CTNNA2: variants seen among roughly 807,000 people sequenced by gnomAD.
The protein encoded by CTNNA2 is catenin alpha-2.
Under a neutral mutation model 101.0 loss-of-function variants are expected in CTNNA2, and 42 were observed. The observed-to-expected ratio is 0.42, with a 90% CI of 0.32 to 0.54. The LOEUF (loss-of-function observed/expected upper bound fraction) is 0.54, where lower values mean the gene tolerates loss of function less well. CTNNA2 is among the 20% of genes least tolerant of loss of function. The probability of loss-of-function intolerance (pLI) is 0.14; values close to 1 mark genes in which losing one functional copy is unlikely to be tolerated. For synonymous variants in CTNNA2, 450 were observed against 456.4 expected, an observed-to-expected ratio of 0.99 and a Z score of 0.18; for missense variants, 871 against 1,223.1, an observed-to-expected ratio of 0.71 and a Z score of 4.29.
chr2:80,576,042 T>C (rs1470083407), intron 13 of CTNNA2, among the ~76,000 whole-genome samples: 1 of 152,136 alleles, frequency 6.6e-6, no homozygotes. Context: ...CTTTAAAAAA[T>C]CCCTTGTGCT....
At chr2:79,415,439 G>A (rs1205618520) in intron 4 of CTNNA2, among the ~76,000 whole-genome samples, 1 of 152,102 alleles carries the variant, frequency 6.6e-6, no homozygotes. Context: ...TCTTTATAGT[G>A]ATGCAAGAAT....
At chr2:80,476,703 C>A (rs1685757322) in intron 9 of CTNNA2, among the ~76,000 whole-genome samples, 1 of 152,158 alleles carries the variant, frequency 6.6e-6, no homozygotes, top group Non-Finnish European at 1.5e-5. Context: ...TGCTCCTCCC[C>A]TCTCTTGCTT....
At chr2:79,741,498 C>A (rs7564458) in intron 2 of CTNNA2, among the ~76,000 whole-genome samples, 1 of 151,926 alleles carries the variant, frequency 6.6e-6, no homozygotes, top group Non-Finnish European at 1.5e-5. Context: ...TCCAAGAATG[C>A]GGGATGTCTC....
chr2:79,268,101 C>T (rs566214986), intron 2 of CTNNA2, among the ~76,000 whole-genome samples: 50 of 152,212 alleles, frequency 3.3e-4, no homozygotes, highest in African/African-American at 1.2e-3. Context: ...TGGTGGCTGT[C>T]CCCTGTAGGC....
chr2:79,811,540 A>G (rs991656350), intron 3 of CTNNA2, among the ~76,000 whole-genome samples: 1 of 152,136 alleles, frequency 6.6e-6, no homozygotes, highest in Non-Finnish European at 1.5e-5. Context: ...TTGATCATAC[A>G]TGTAAGGATC....
At chr2:80,108,740 A>T (rs768896703) in intron 7 of CTNNA2, among the ~76,000 whole-genome samples, 1 of 152,168 alleles carries the variant, frequency 6.6e-6, no homozygotes, top group African/African-American at 2.4e-5. Context: ...CCGGTGGTTT[A>T]TGGCAGAAAG....
At chr2:79,254,799 A>G (rs1674820476) in intron 2 of CTNNA2, among the ~76,000 whole-genome samples, 2 of 152,232 alleles carry the variant, frequency 1.3e-5, no homozygotes, top group South Asian at 2.1e-4. Context: ...AAAGTAAATG[A>G]CAACATTGTT....
intron 7 of CTNNA2, among the ~76,000 whole-genome samples, chr2:80,101,456 T>C (rs1301362223): frequency 6.6e-6 from 1 of 152,224 alleles, no homozygotes; most frequent in African/African-American, 2.4e-5. Context: ...GAGCTGATTC[T>C]TTTTTATTAT....
intron 7 of CTNNA2, among the ~76,000 whole-genome samples, chr2:80,171,677 C>T (rs987459675): frequency 1.1e-4 from 16 of 152,068 alleles, no homozygotes; most frequent in African/African-American, 2.7e-4. Flanking sequence ...TGAAAAAAAG[C>T]GATGCCCAGG....
Position 79,769,804 on chromosome 2 carries a change from G to A in CTNNA2, c.298+25222G>A, listed in dbSNP as rs573612903. Among the ~76,000 whole-genome samples, 6 of 152,248 alleles carry A rather than the reference G, an allele frequency of 3.9e-5. No homozygotes were observed. In the South Asian group the frequency reaches 6.2e-4, roughly 16 times the overall value. On this transcript the variant is annotated intron_variant, in intron 3 of 18. Coordinates refer to ENST00000402739, the MANE Select transcript of CTNNA2 (RefSeq NM_001282597.3). The stretch of plus-strand genomic sequence containing the variant: ...GGAATGGAATCCTGATTATTATTAC[G>A]TTTGTTATTGTATTTTTGTCATAGC...
At chr2:80,312,809 C>A (rs1380676632) in intron 7 of CTNNA2, among the ~76,000 whole-genome samples, 3 of 152,198 alleles carry the variant, frequency 2.0e-5, no homozygotes, top group Non-Finnish European at 4.4e-5. Flanking sequence ...AGACATATTA[C>A]TTTCTCTGTG....
At chr2:79,305,650 T>C (rs1020798571) in intron 2 of CTNNA2, among the ~76,000 whole-genome samples, 1 of 152,150 alleles carries the variant, frequency 6.6e-6, no homozygotes, top group African/African-American at 2.4e-5. Context: ...CCTACCAATG[T>C]TGACATCTCT....
At chr2:79,505,396 G>A (rs933317655) in intron 5 of CTNNA2, among the ~76,000 whole-genome samples, 1 of 151,926 alleles carries the variant, frequency 6.6e-6, no homozygotes, top group African/African-American at 2.4e-5. Flanking sequence ...GTCATAAAAC[G>A]ACTGATTTAT....
chr2:79,299,227 C>A (rs752840414), intron 2 of CTNNA2, among the ~76,000 whole-genome samples: 7 of 152,210 alleles, frequency 4.6e-5, no homozygotes, highest in Non-Finnish European at 1.0e-4. Context: ...CCCACCAGCT[C>A]TCAGAGTCTT....
intron 4 of CTNNA2, among the ~76,000 whole-genome samples, chr2:79,399,133 G>A (rs1382792582): frequency 2.0e-5 from 3 of 152,032 alleles, no homozygotes; most frequent in Non-Finnish European, 4.4e-5. Flanking sequence ...CATACTAGAA[G>A]GGCATTTATA....
At chr2:79,277,225 A>C (rs1675235964) in intron 2 of CTNNA2, among the ~76,000 whole-genome samples, 1 of 152,270 alleles carries the variant, frequency 6.6e-6, no homozygotes, top group South Asian at 2.1e-4. Context: ...GGCTTAAAGG[A>C]AATTGTATGT....
intron 2 of CTNNA2, among the ~76,000 whole-genome samples, chr2:79,223,463 A>T (rs1236646317): frequency 6.6e-6 from 1 of 152,144 alleles, no homozygotes; most frequent in Non-Finnish European, 1.5e-5. Context: ...TCCTTCTCAG[A>T]ATTGATCTTT....
Position 80,357,972 on chromosome 2 carries a change from A to T in CTNNA2, c.1057-35239A>T, listed in dbSNP as rs376381540. On this transcript the variant is annotated intron_variant, in intron 7 of 18. Coordinates refer to ENST00000402739, the MANE Select transcript of CTNNA2 (RefSeq NM_001282597.3). ...CTTTGCATGTGACACTCAAAGCTAG[A>T]TATAAGTGGGGCTGCCTAACTTCTA... Among the ~76,000 whole-genome samples the T allele has an allele frequency of 5.1e-4, 78 of 152,200 alleles. No individual in the cohort carries two copies. In the South Asian group the frequency reaches 0.016, roughly 31 times the overall value.
chr2:80,103,716 T>G (rs1325996410), intron 7 of CTNNA2, among the ~76,000 whole-genome samples: 1 of 152,150 alleles, frequency 6.6e-6, no homozygotes, highest in African/African-American at 2.4e-5. Flanking sequence ...CTAGGCAGCT[T>G]AAATAATGTT....
Sources: allele counts gnomAD v4.1 joint callset (sites outside exome capture counted in the v4.1 genomes callset), GRCh38; gene constraint gnomAD v4.1.1; transcripts MANE v1.5; gene names NCBI Gene and HGNC (gene_info 2026-07-23, HGNC 2026-07-21).